GRM6: variants seen among roughly 807,000 people sequenced by gnomAD.
GRM6 encodes metabotropic glutamate receptor 6.
GRM6 carries 73 observed loss-of-function variants against 78.4 expected under a neutral mutation model. The observed-to-expected ratio is 0.93, with a 90% CI of 0.77 to 1.13. The LOEUF (loss-of-function observed/expected upper bound fraction) is 1.13, where lower values mean the gene tolerates loss of function less well. Among genes scored for constraint, GRM6 ranks in the 50% most tolerant of loss-of-function variants. The pLI is 0.00. For synonymous variants in GRM6, 580 were observed against 555.0 expected (o/e 1.05, Z -0.63); for missense variants, 1,251 against 1,256.4 (o/e 1.00, Z 0.07).
intron 7 of GRM6, among the ~76,000 whole-genome samples, chr5:178,987,847 C>T (rs1342891324): frequency 6.6e-6 from 1 of 151,224 alleles, no homozygotes; most frequent in Non-Finnish European, 1.5e-5. Context: ...GCAACCTCTG[C>T]CTCCCGGGTT....
chr5:178,991,478 A>G lies in GRM6; in HGVS notation c.803T>C (p.Met268Thr), dbSNP rs777165795. 7 of 1,613,476 alleles carry G rather than the reference A, an allele frequency of 4.3e-6. No homozygotes were observed. The Admixed American group carries it at 1.2e-4, about 27-fold the overall frequency. ...GEFSKVIRRLMETPNARGIII... is the reference protein window; with the variant it reads ...GEFSKVIRRLTETPNARGIII... The stretch of plus-strand genomic sequence containing the variant: ...GATGCCCCGGGCGTTGGGCGTCTCC[A>G]TGAGTCTCCTGATCACCTTGCTGAA... Residue 268 changes from methionine to threonine, a missense_variant, in exon 4 of 11, where the codon ATG becomes ACG. By Grantham distance (81) the Met-to-Thr change is moderately conservative. Transcript: ENST00000517717. This position sits in a 1 kb window ranked among gnomAD's most constrained non-coding sequence, Gnocchi z 5.0.
chr5:178,986,823 G>A lies in GRM6; in HGVS notation c.1500+15C>T, dbSNP rs376394600. 8.7e-5 allele frequency: 141 copies of A among 1,613,448 alleles called. No individual in the cohort carries two copies. The highest frequency in any genetic ancestry group is 3.0e-4 in the Admixed American group (18 of 60,018). On this transcript the variant is annotated intron_variant, in intron 8 of 10. Coordinates refer to ENST00000517717, the MANE Select transcript of GRM6 (RefSeq NM_000843.4). ...CTGGGCCCATGCCCACCTGGGGCTC[G>A]GTCTGCACACTCACATCCAGTCTGA...
chr5:178,991,739 T>G lies in GRM6; in HGVS notation c.721+128A>C, dbSNP rs201482052. 1.3e-5 allele frequency: 15 copies of G among 1,116,718 alleles called. No individual in the cohort carries two copies. The highest frequency in any genetic ancestry group is 1.7e-5 in the Non-Finnish European group (13 of 745,238). The allele number at this position is 1,116,718 out of a possible 1,614,324, so 69.2% of individuals were successfully genotyped here. A position where few individuals can be genotyped will look rare whatever the true frequency, so the allele number is the denominator to read the frequency against. On this transcript the variant is annotated intron_variant, in intron 3 of 10. Coordinates refer to ENST00000517717, the MANE Select transcript of GRM6 (RefSeq NM_000843.4). This position sits in a 1 kb window ranked among gnomAD's most constrained non-coding sequence, Gnocchi z 5.0. ...CCAAAACAAAGAGGTCCCGCCCACA[T>G]GGAGCACCAGCCAGGCAACCTCGGC...
At chr5:178,993,355 A>T (rs1760715023) in intron 2 of GRM6, among the ~76,000 whole-genome samples, 1 of 152,258 alleles carries the variant, frequency 6.6e-6, no homozygotes, top group Admixed American at 6.5e-5. Context: ...AGCTCTAGGC[A>T]GGGCCGGGGA....
At position 178,989,170 on chromosome 5, in the gene GRM6, C is replaced by A. The variant is rs753644089; in HGVS notation, c.1154-35G>T. ...GGATGCCCAGAGAAAGTGTGCCCGGCCCCCATGCACCGAACCCGGCCTCCC... is the reference window on the plus strand; with the variant it reads ...GGATGCCCAGAGAAAGTGTGCCCGGACCCCATGCACCGAACCCGGCCTCCC... On this transcript the variant is annotated intron_variant, in intron 6 of 10. Transcript: ENST00000517717. 4 of 1,602,860 alleles carry A rather than the reference C, an allele frequency of 2.5e-6. No individual in the cohort carries two copies. The Admixed American group carries it at 6.8e-5, about 27-fold the overall frequency.
In GRM6 at chr5:178,980,831, A is replaced by G. The variant is rs944728490; in HGVS notation, c.*826T>C. The G allele has an allele frequency of 6.6e-6, 1 of 152,148 alleles. No individual in the cohort carries two copies. Among genetic ancestry groups the G allele is most frequent in the African/African-American group, 2.4e-5 (1 of 41,394 alleles). 9.4% of individuals were successfully genotyped at this position (152,148 alleles called of 1,614,324 possible). On this transcript the variant is annotated 3_prime_UTR_variant, in exon 11 of 11. Transcript: ENST00000517717. The surrounding 1 kb of genome is among the most constrained non-coding windows in gnomAD (Gnocchi z 4.3). ...GTATTTTTAGTAGAGACAGGGTTTC[A>G]CCACATTGGCCAGGCTGGTCTCGAA...
chr5:178,991,681 C>A lies in GRM6; in HGVS notation c.722-122G>T. 1 of 1,295,886 alleles carries A rather than the reference C, an allele frequency of 7.7e-7. No homozygotes were observed. The highest frequency in any genetic ancestry group is 1.1e-6 in the Non-Finnish European group (1 of 896,962). 80.3% of individuals were successfully genotyped at this position (1,295,886 alleles called of 1,614,324 possible). On this transcript the variant is annotated intron_variant, in intron 3 of 10. Coordinates refer to ENST00000517717, the MANE Select transcript of GRM6 (RefSeq NM_000843.4). This position sits in a 1 kb window ranked among gnomAD's most constrained non-coding sequence, Gnocchi z 5.0. ...CTGCAGGGGTGAAGTCTGGCCTGCA[C>A]CCTCCGCCAAGCCTGAGGCAGGGCT...
rs1313336847 is a variant in GRM6, at chr5:178,988,905, A to T, written c.1354+30T>A. 1 of 1,582,058 alleles carries T rather than the reference A, an allele frequency of 6.3e-7. No individual in the cohort carries two copies. On this transcript the variant is annotated intron_variant, in intron 7 of 10. Transcript: ENST00000517717. The surrounding 1 kb of genome is among the most constrained non-coding windows in gnomAD (Gnocchi z 6.0). ...AAATCCAGCCCCCCAGCTGTCCTTC[A>T]CTGCTGCAGGGGGGCAGGCACCCAC...
At position 178,988,022 on chromosome 5, in the gene GRM6, A is replaced by G. The variant is rs1760602011; in HGVS notation, c.1354+913T>C. On this transcript the variant is annotated intron_variant, in intron 7 of 10. Transcript: ENST00000517717. The surrounding 1 kb of genome is among the most constrained non-coding windows in gnomAD (Gnocchi z 6.0). ...TGATCCACCTGTCTCGGCCTCCCAAAGTGCTCAGATTACAGGAGTGAGCCA... is the reference window on the plus strand; with the variant it reads ...TGATCCACCTGTCTCGGCCTCCCAAGGTGCTCAGATTACAGGAGTGAGCCA... Among the ~76,000 whole-genome samples the G allele has an allele frequency of 6.6e-6, 1 of 152,140 alleles. No homozygotes were observed.
chr5:178,984,500 T>C (rs2113319502), intron 9 of GRM6, among the ~76,000 whole-genome samples: 1 of 152,286 alleles, frequency 6.6e-6, no homozygotes, highest in Non-Finnish European at 1.5e-5. Context: ...TGTGTGTTTT[T>C]AAAGATCCCT....
Position 178,994,644 on chromosome 5 carries a change from G to A in GRM6, c.301C>T (p.Arg101Trp). ...LGARLLDTCS[R>W]DTYALEQALS... ...GCCTGCTCCAGCGCGTAGGTGTCCC[G>A]CGAGCAGGTGTCCAGCAGCCGCGCG... Residue 101 changes from arginine to tryptophan, a missense_variant, in exon 2 of 11, where the codon CGG becomes TGG. Arg to Trp is a moderately radical substitution (Grantham distance 101). Coordinates refer to ENST00000517717, the MANE Select transcript of GRM6 (RefSeq NM_000843.4). 1 of 1,461,506 alleles carries A rather than the reference G, an allele frequency of 6.8e-7. No individual in the cohort carries two copies. Among genetic ancestry groups the A allele is most frequent in the Non-Finnish European group, 9.0e-7 (1 of 1,109,438 alleles). The allele number at this position is 1,461,506 out of a possible 1,614,324, so 90.5% of individuals were successfully genotyped here.
intron 1 of GRM6, 27 bp from the exon 2 acceptor site, chr5:178,994,987 C>G: frequency 9.0e-7 from 1 of 1,116,344 alleles, no homozygotes. Flanking sequence ...GGGCGGGGAG[C>G]GCTCTGAGGG....
rs907027654 is a variant in GRM6 at position 178,992,693 on chromosome 5, G to A, written c.505-610C>T. Among the ~76,000 whole-genome samples, 23 of 152,178 alleles carry A rather than the reference G, an allele frequency of 1.5e-4. No individual in the cohort carries two copies. The South Asian group carries it at 2.7e-3, about 18-fold the overall frequency. ...GCAGAGACACGGGGCTGAGAAGGCC[G>A]CCAAGAGGGGGCTATGGGGCTCCAG... is the stretch of plus-strand genomic sequence containing the variant. On this transcript the variant is annotated intron_variant, in intron 2 of 10. Transcript: ENST00000517717. The surrounding 1 kb of genome is among the most constrained non-coding windows in gnomAD (Gnocchi z 4.9).
At chr5:178,987,370 A>G (rs1315055740) in intron 7 of GRM6, 1 of 468,732 alleles carries the variant, frequency 2.1e-6, no homozygotes, top group Admixed American at 2.3e-5. Context: ...CCACGTTCAC[A>G]GCAGCGTTAT....
intron 9 of GRM6, chr5:178,985,497 A>C (rs757213891): frequency 5.8e-6 from 2 of 343,944 alleles, no homozygotes; most frequent in East Asian, 8.1e-5. Flanking sequence ...AGGTCAGGAG[A>C]TCGAGACCAT....
chr5:178,985,998 G>A, intron 9 of GRM6, 132 bp downstream of exon 9: 1 of 803,248 alleles, frequency 1.2e-6, no homozygotes, highest in African/African-American at 1.7e-5. Flanking sequence ...CTGGACTCAG[G>A]TGATCCACCC....
intron 9 of GRM6, among the ~76,000 whole-genome samples, chr5:178,984,855 C>T (rs1403958535): frequency 3.3e-5 from 5 of 152,122 alleles, no homozygotes; most frequent in African/African-American, 1.2e-4. Context: ...CAGGTGTTCG[C>T]ACTGAGGCCA....
chr5:178,994,452 G>A lies in GRM6; in HGVS notation c.493C>T (p.Arg165Cys), dbSNP rs879583129. Residue 165 changes from arginine (R) to cysteine (C), a missense_variant, in exon 2 of 11, where the codon CGC (arginine) becomes TGC (cysteine). By Grantham distance (180) the Arg-to-Cys change is radical. Coordinates refer to ENST00000517717, the MANE Select transcript of GRM6 (RefSeq NM_000843.4). ...CCCGCGGCCCTCACCGCAAACAGGC[G>A]CAGCACGTTGGCGACCATGATGGAG... ...SVSIMVANVL[R>C]LFAIPQISYA... The A allele has an allele frequency of 3.2e-5, 47 of 1,489,792 alleles. No individual in the cohort carries two copies. The highest frequency in any genetic ancestry group is 3.8e-5 in the Non-Finnish European group (43 of 1,125,968). The allele number at this position is 1,489,792 out of a possible 1,614,324, so 92.3% of individuals were successfully genotyped here.
chr5:178,995,028 G>C, intron 1 of GRM6, 68 bp from the exon 2 acceptor site: 2 of 902,018 alleles, frequency 2.2e-6, no homozygotes, highest in Non-Finnish European at 2.7e-6. Flanking sequence ...CTCGGGGCGC[G>C]GGGAGGGACA....
Sources: gnomAD v4.1 joint callset for allele counts (sites outside exome capture counted in the v4.1 genomes callset) on GRCh38, gnomAD v4.1.1 for gene constraint, Gnocchi (gnomAD v3.1) non-coding constraint, MANE v1.5 for transcripts, NCBI Gene and HGNC (gene_info 2026-07-23, HGNC 2026-07-21) for gene names.